The following CACNA1C variants were observed in gnomAD, a reference collection of about 807,000 sequenced individuals.
The protein encoded by CACNA1C is calcium voltage-gated channel subunit alpha1 C.
Under a neutral mutation model 229.0 loss-of-function variants are expected in CACNA1C, and 30 were observed. The observed-to-expected ratio is 0.13, with a 90% CI of 0.10 to 0.18. The LOEUF is 0.18. Ranked by LOEUF, CACNA1C falls within the 10% of genes least tolerant of loss-of-function variation. The probability of loss-of-function intolerance (pLI) is 1.00; values close to 1 mark genes in which losing one functional copy is unlikely to be tolerated. For synonymous variants in CACNA1C, 1,114 were observed against 1,132.5 expected, an observed-to-expected ratio of 0.98 and a Z score of 0.33; for missense variants, 1,658 against 2,845.0, an observed-to-expected ratio of 0.58 and a Z score of 9.49.
rs1331891286 is a variant in CACNA1C, at chr12:2,403,004, TAGAC to T, written c.478-45968_478-45965del. On this transcript the variant is annotated intron_variant, in intron 3 of 46. Transcript: ENST00000399655. This position sits in a 1 kb window ranked among gnomAD's most constrained non-coding sequence, Gnocchi z 4.1. ...GGGTAGGGATGCGAGCTGAAAGAGATAGACAGATCATGAGGATCTTCAAGTTAGG... is the reference window on the plus strand; with the variant it reads ...GGGTAGGGATGCGAGCTGAAAGAGATAGATCATGAGGATCTTCAAGTTAGG... Among the ~76,000 whole-genome samples, 1 of 152,194 alleles carries T rather than the reference TAGAC, an allele frequency of 6.6e-6. No individual in the cohort carries two copies. The highest frequency in any genetic ancestry group is 1.5e-5 in the Non-Finnish European group (1 of 68,030).
Position 2,287,434 on chromosome 12 carries a change from G to A in CACNA1C, c.478-161542G>A, listed in dbSNP as rs959490173. ...GTGGCTGCTCGTGTGTTCCGTGGCT[G>A]TTTAGGAAGGTTGGGTCAGTGGAGA... On this transcript the variant is annotated intron_variant, in intron 3 of 46. Coordinates refer to ENST00000399655, the MANE Select transcript of CACNA1C (RefSeq NM_000719.7). The surrounding 1 kb of genome is among the most constrained non-coding windows in gnomAD (Gnocchi z 4.6). 1.3e-5 allele frequency among the ~76,000 whole-genome samples: 2 copies of A among 152,198 alleles called. No individual in the cohort carries two copies. Among genetic ancestry groups the A allele is most frequent in the African/African-American group, 2.4e-5 (1 of 41,444 alleles).
At chr12:2,489,506 T>C (rs2099709541) in intron 6 of CACNA1C, among the ~76,000 whole-genome samples, 1 of 152,194 alleles carries the variant, frequency 6.6e-6, no homozygotes, top group Non-Finnish European at 1.5e-5. Context: ...TGCCGATACC[T>C]TTTGTTTCCG....
At chr12:2,251,109 T>C (rs1007441154) in intron 3 of CACNA1C, among the ~76,000 whole-genome samples, 1 of 152,252 alleles carries the variant, frequency 6.6e-6, no homozygotes, top group Non-Finnish European at 1.5e-5. Flanking sequence ...CTCATATGAA[T>C]ACTTCTTGAT....
intron 46 of CACNA1C, 96 bp from the exon 47 acceptor site, chr12:2,690,804 T>A: frequency 7.9e-7 from 1 of 1,260,196 alleles, no homozygotes; most frequent in East Asian, 2.6e-5. Flanking sequence ...CCAAGTGACC[T>A]ACCAGATACC....
intron 1 of CACNA1C, among the ~76,000 whole-genome samples, chr12:2,002,818 T>C (rs111769139): frequency 0.027 from 4,162 of 152,308 alleles, 94 homozygotes; most frequent in Middle Eastern, 0.054. Context: ...AGAATATCTT[T>C]TTATATATTT....
intron 34 of CACNA1C, among the ~76,000 whole-genome samples, chr12:2,657,918 A>G (rs565420216): frequency 6.8e-4 from 104 of 152,298 alleles, no homozygotes; most frequent in African/African-American, 2.2e-3. Flanking sequence ...TCAAAAATAT[A>G]TAATAGTCAT....
chr12:2,103,883 T>C (rs1040612064), intron 1 of CACNA1C, among the ~76,000 whole-genome samples: 2 of 152,190 alleles, frequency 1.3e-5, no homozygotes, highest in African/African-American at 4.8e-5. Context: ...GATCAGATGG[T>C]TGTAGATGTG....
intron 3 of CACNA1C, among the ~76,000 whole-genome samples, chr12:2,289,603 T>G (rs965693722): frequency 6.6e-6 from 1 of 152,044 alleles, no homozygotes; most frequent in Non-Finnish European, 1.5e-5. Flanking sequence ...TACTAGGGAC[T>G]GGGGATACAG....
At chr12:2,583,015 G>T (rs1371374567) in intron 15 of CACNA1C, 73 bp downstream of exon 15, 6 of 1,144,706 alleles carry the variant, frequency 5.2e-6, no homozygotes, top group Admixed American at 4.1e-5. Flanking sequence ...AAACGGGCAC[G>T]CCCCTCAGGT....
chr12:2,065,379 T>A (rs1411584829), intron 1 of CACNA1C, among the ~76,000 whole-genome samples: 1 of 152,244 alleles, frequency 6.6e-6, no homozygotes, highest in Non-Finnish European at 1.5e-5. Context: ...AACTGTCTCA[T>A]GCCAGTTGTG....
chr12:2,393,832 G>A (rs985140072), intron 3 of CACNA1C, among the ~76,000 whole-genome samples: 1 of 151,874 alleles, frequency 6.6e-6, no homozygotes, highest in South Asian at 2.1e-4. Flanking sequence ...GGGATTGGTC[G>A]TGGAGGCTCA....
intron 3 of CACNA1C, among the ~76,000 whole-genome samples, chr12:2,382,906 G>A (rs1416459844): frequency 1.3e-5 from 2 of 152,080 alleles, no homozygotes. Context: ...CACAGGATGG[G>A]GAAAGCCTTG....
In CACNA1C at chr12:2,398,308, G is replaced by A. The variant is rs893409208; in HGVS notation, c.478-50668G>A. Among the ~76,000 whole-genome samples, 5 of 152,208 alleles carry A rather than the reference G, an allele frequency of 3.3e-5. No homozygotes were observed. The South Asian group carries it at 1.0e-3, about 32-fold the overall frequency. ...TACCAGGCCAAGAAAATTGTATTGA[G>A]CTTTACCTCGTGAAGTTTGCATTTT... On this transcript the variant is annotated intron_variant, in intron 3 of 46. Transcript: ENST00000399655.
At chr12:2,600,537 G>A (rs148104870) in intron 21 of CACNA1C, among the ~76,000 whole-genome samples, 1 of 152,288 alleles carries the variant, frequency 6.6e-6, no homozygotes, top group East Asian at 1.9e-4. Context: ...TTTCCCTTTG[G>A]CCGATGCTTC....
Position 2,450,336 on chromosome 12 carries a change from C to CTT in CACNA1C, c.617+1221_617+1222insTT, listed in dbSNP as rs1173218281. Among the ~76,000 whole-genome samples the CTT allele has an allele frequency of 1.2e-4, 18 of 151,984 alleles. No homozygotes were observed. The East Asian group carries it at 2.9e-3, about 25-fold the overall frequency. On this transcript the variant is annotated intron_variant, in intron 4 of 46. Coordinates refer to ENST00000399655, the MANE Select transcript of CACNA1C (RefSeq NM_000719.7). Reference sequence around the variant, plus strand: ...TTGGGAGGCCAAGGCGGGCGGATCACGAGGTCAGGAGATCGAGACCATCCT... The same window carrying CTT: ...TTGGGAGGCCAAGGCGGGCGGATCACTTGAGGTCAGGAGATCGAGACCATCCT...
At chr12:2,611,790 G>T in intron 28 of CACNA1C, 113 bp from the exon 29 acceptor site, 1 of 661,402 alleles carries the variant, frequency 1.5e-6, no homozygotes, top group Non-Finnish European at 2.7e-6. Flanking sequence ...TGGGGGTTTG[G>T]TTCAAGGAAG....
At chr12:2,011,538 G>T (rs2044440606) in intron 1 of CACNA1C, 1 of 152,220 alleles carries the variant, frequency 6.6e-6, no homozygotes, top group African/African-American at 2.4e-5. Flanking sequence ...TAAAGAGATT[G>T]AATTAGAAGA....
chr12:2,505,836 G>T (rs1394746954), intron 8 of CACNA1C, among the ~76,000 whole-genome samples: 1 of 152,198 alleles, frequency 6.6e-6, no homozygotes, highest in Non-Finnish European at 1.5e-5. Flanking sequence ...CCACTCTGCT[G>T]CCTTTGCCAC....
chr12:2,328,444 A>G (rs140236372), intron 3 of CACNA1C, among the ~76,000 whole-genome samples: 2 of 152,320 alleles, frequency 1.3e-5, no homozygotes, highest in African/African-American at 4.8e-5. Context: ...TGACCCCAGA[A>G]TGGGTGTTAG....
Sources: allele counts gnomAD v4.1 joint callset (sites outside exome capture counted in the v4.1 genomes callset), GRCh38; gene constraint gnomAD v4.1.1; non-coding constraint Gnocchi (gnomAD v3.1); transcripts MANE v1.5; gene names NCBI Gene and HGNC (gene_info 2026-07-23, HGNC 2026-07-21).